CCDC3: variants seen among roughly 807,000 people sequenced by gnomAD.
CCDC3 encodes the protein coiled-coil domain containing 3.
A neutral mutation model predicts 21.4 loss-of-function variants in CCDC3; 24 were observed. The ratio of observed to expected loss-of-function variants is 1.12; its 90% confidence interval spans 0.81 to 1.58. The LOEUF (loss-of-function observed/expected upper bound fraction) is 1.58. CCDC3 is among the 40% of genes most tolerant of loss of function. CCDC3 has a pLI of 0.00. For missense variants in CCDC3, 425 were observed against 360.9 expected (o/e 1.18, Z -1.44); for synonymous variants, 186 against 166.0 (o/e 1.12, Z -0.93).
chr10:12,984,432 T>C (rs574063349), intron 2 of CCDC3, among the ~76,000 whole-genome samples: 6 of 152,258 alleles, frequency 3.9e-5, no homozygotes, highest in South Asian at 2.1e-4. Flanking sequence ...CGTAAAGAAA[T>C]TGCAACCCTC....
intron 5 of CCDC3, among the ~76,000 whole-genome samples, chr10:13,034,983 G>A (rs1046543132): frequency 3.3e-5 from 5 of 150,630 alleles, no homozygotes; most frequent in Admixed American, 6.7e-5. Flanking sequence ...CCAAGATCAC[G>A]CCATTACACT....
intron 2 of CCDC3, among the ~76,000 whole-genome samples, chr10:12,906,223 A>G (rs1834169452): frequency 6.6e-6 from 1 of 152,164 alleles, no homozygotes; most frequent in Non-Finnish European, 1.5e-5. Context: ...TCTTCTGAGG[A>G]CTGTCTGGAG....
rs914033896 is a variant in CCDC3, at chr10:12,916,293, A to C, written c.550-17614T>G. On this transcript the variant is annotated intron_variant, in intron 2 of 2. Coordinates refer to ENST00000378825, the MANE Select transcript of CCDC3 (RefSeq NM_031455.4). ...CTACAAATACAAAAATTAGCTGGGC[A>C]TGGTGGTGCATGCCTGTAATCCCAG... Among the ~76,000 whole-genome samples, 3 of 152,238 alleles carry C rather than the reference A, an allele frequency of 2.0e-5. No individual in the cohort carries two copies. The South Asian group carries it at 6.2e-4, about 32-fold the overall frequency.
At chr10:12,941,201 C>T (rs1365091874) in intron 2 of CCDC3, among the ~76,000 whole-genome samples, 1 of 152,210 alleles carries the variant, frequency 6.6e-6, no homozygotes, top group Non-Finnish European at 1.5e-5. Flanking sequence ...CACTGCTACA[C>T]TCCCACCAGT....
intron 2 of CCDC3, among the ~76,000 whole-genome samples, chr10:12,942,610 T>C (rs1047382546): frequency 6.6e-6 from 1 of 152,184 alleles, no homozygotes; most frequent in African/African-American, 2.4e-5. Context: ...GCAGGCAACA[T>C]GGCACCGGCC....
chr10:12,983,023 A>G (rs183781163), intron 2 of CCDC3, among the ~76,000 whole-genome samples: 1 of 149,498 alleles, frequency 6.7e-6, no homozygotes, highest in Non-Finnish European at 1.5e-5. Context: ...GAGGCACAAG[A>G]ATGGCTTAAA....
At chr10:12,994,636 T>C (rs1405856323) in intron 2 of CCDC3, among the ~76,000 whole-genome samples, 1 of 152,114 alleles carries the variant, frequency 6.6e-6, no homozygotes, top group Non-Finnish European at 1.5e-5. Flanking sequence ...AGAGTGATCA[T>C]AACAGCAATT....
At chr10:12,970,067 T>G (rs1252184908) in intron 2 of CCDC3, among the ~76,000 whole-genome samples, 1 of 152,218 alleles carries the variant, frequency 6.6e-6, no homozygotes, top group Non-Finnish European at 1.5e-5. Context: ...GTGTTTTTTC[T>G]AATGTATGGG....
chr10:13,038,908 G>A (rs949682301), intron 5 of CCDC3, among the ~76,000 whole-genome samples: 2 of 152,162 alleles, frequency 1.3e-5, no homozygotes, highest in Admixed American at 1.3e-4. Context: ...TGCTCAAGGT[G>A]GTTCCTTTAG....
intron 2 of CCDC3, among the ~76,000 whole-genome samples, chr10:12,982,373 A>G (rs1285862778): frequency 1.3e-5 from 2 of 152,030 alleles, no homozygotes; most frequent in Non-Finnish European, 2.9e-5. Context: ...AGGGCAACAA[A>G]ACAGAGTTTC....
intron 4 of CCDC3, among the ~76,000 whole-genome samples, chr10:13,069,208 T>C (rs564695928): frequency 1.3e-5 from 2 of 152,244 alleles, no homozygotes; most frequent in Non-Finnish European, 2.9e-5. Flanking sequence ...TGAGCCGAGA[T>C]TGTGCCATTG....
intron 5 of CCDC3, among the ~76,000 whole-genome samples, chr10:13,049,329 A>T (rs1482314807): frequency 6.6e-6 from 1 of 152,170 alleles, no homozygotes; most frequent in Non-Finnish European, 1.5e-5. Context: ...GAAATACAAG[A>T]ATCATGAAGG....
chr10:13,077,289 A>C (rs1836976892), intron 3 of CCDC3, among the ~76,000 whole-genome samples: 1 of 152,224 alleles, frequency 6.6e-6, no homozygotes, highest in South Asian at 2.1e-4. Flanking sequence ...ATACCTAGGA[A>C]TCCAACTTAC....
intron 5 of CCDC3, among the ~76,000 whole-genome samples, chr10:13,008,984 G>A (rs1835955269): frequency 6.6e-6 from 1 of 152,042 alleles, no homozygotes; most frequent in African/African-American, 2.4e-5. Context: ...AAAAAAAGAT[G>A]TAAAATTCTA....
chr10:12,910,730 C>T (rs1170572481), intron 2 of CCDC3, among the ~76,000 whole-genome samples: 7 of 151,856 alleles, frequency 4.6e-5, no homozygotes, highest in Admixed American at 2.6e-4. Flanking sequence ...CTGCCTCAGC[C>T]TCCTGAGTAG....
At chr10:13,036,017 A>T (rs993700868) in intron 5 of CCDC3, among the ~76,000 whole-genome samples, 3 of 152,084 alleles carry the variant, frequency 2.0e-5, no homozygotes, top group Admixed American at 1.3e-4. Context: ...GGTGATATGC[A>T]CCTGCAGTCC....
chr10:12,950,451 A>G (rs986393022), intron 2 of CCDC3, among the ~76,000 whole-genome samples: 2 of 152,202 alleles, frequency 1.3e-5, no homozygotes, highest in African/African-American at 4.8e-5. Context: ...ATTAAAAAGC[A>G]ACAATCTAAA....
chr10:13,017,199 G>T (rs922082163), intron 5 of CCDC3, among the ~76,000 whole-genome samples: 7 of 151,952 alleles, frequency 4.6e-5, no homozygotes, highest in African/African-American at 1.7e-4. Context: ...GATTTTTCAT[G>T]TAAGCCAGAT....
chr10:12,941,884 C>T (rs538486499), intron 2 of CCDC3, among the ~76,000 whole-genome samples: 3 of 152,134 alleles, frequency 2.0e-5, no homozygotes, highest in Non-Finnish European at 2.9e-5. Context: ...CCTCTCTGCA[C>T]CAGGAATAGG....
Sources: allele counts gnomAD v4.1 joint callset (sites outside exome capture counted in the v4.1 genomes callset), GRCh38; gene constraint gnomAD v4.1.1; transcripts MANE v1.5; gene names NCBI Gene and HGNC (gene_info 2026-07-23, HGNC 2026-07-21).